The following EYS variants were observed in gnomAD, a reference collection of about 807,000 sequenced individuals.
EYS encodes the protein protein eyes shut homolog.
In EYS, 250 loss-of-function variants were observed where a neutral mutation model predicts 282.1. That is an observed-to-expected ratio of 0.89 (90% CI 0.80 to 0.98). The LOEUF (loss-of-function observed/expected upper bound fraction) is 0.98, where lower values mean the gene tolerates loss of function less well. EYS is among the 50% of genes least tolerant of loss of function. The probability of loss-of-function intolerance (pLI) is 0.00; values close to 1 mark genes in which losing one functional copy is unlikely to be tolerated. For missense variants in EYS, 4,016 were observed against 3,709.0 expected, an observed-to-expected ratio of 1.08 and a Z score of -2.15; for synonymous variants, 1,355 against 1,282.9, an observed-to-expected ratio of 1.06 and a Z score of -1.20.
chr6:64,678,379 G>A (rs892056280), intron 22 of EYS, among the ~76,000 whole-genome samples: 1 of 151,736 alleles, frequency 6.6e-6, no homozygotes, highest in Admixed American at 6.6e-5. Context: ...GGAGTTTGAG[G>A]ACAGCCTGGC....
At chr6:64,976,520 C>T (rs551060407) in intron 14 of EYS, among the ~76,000 whole-genome samples, 31 of 151,980 alleles carry the variant, frequency 2.0e-4, no homozygotes, top group African/African-American at 7.2e-4. Flanking sequence ...CATCCTTCTA[C>T]CATAACTTTA....
chr6:64,832,935 G>C (rs1765269100), intron 19 of EYS, among the ~76,000 whole-genome samples: 1 of 151,880 alleles, frequency 6.6e-6, no homozygotes, highest in Non-Finnish European at 1.5e-5. Context: ...CTTTAGAAAT[G>C]ATTGCTCTAA....
chr6:64,960,683 T>C (rs1206497888), intron 14 of EYS, among the ~76,000 whole-genome samples: 2 of 152,160 alleles, frequency 1.3e-5, no homozygotes, highest in Non-Finnish European at 2.9e-5. Context: ...GGGGTATATG[T>C]GCAGGTTTGT....
chr6:63,869,837 G>A (rs934225122), intron 35 of EYS, among the ~76,000 whole-genome samples: 2 of 152,010 alleles, frequency 1.3e-5, no homozygotes, highest in South Asian at 2.1e-4. Context: ...AGGGTATTGT[G>A]GGTGAAAAAA....
intron 33 of EYS, among the ~76,000 whole-genome samples, chr6:64,020,887 T>C (rs114649153): frequency 0.014 from 2,186 of 152,256 alleles, 36 homozygotes; most frequent in African/African-American, 0.043. Flanking sequence ...AGTGGTGCCA[T>C]AGACAGATGG....
chr6:65,232,811 G>A (rs561679289), intron 12 of EYS, among the ~76,000 whole-genome samples: 1 of 152,140 alleles, frequency 6.6e-6, no homozygotes, highest in Admixed American at 6.6e-5. Flanking sequence ...GTGATAATTT[G>A]ACCCATAATA....
rs565980142 is a variant in EYS at position 64,467,824 on chromosome 6, A to T, written c.5645-28472T>A. 2.4e-4 allele frequency among the ~76,000 whole-genome samples: 37 copies of T among 152,180 alleles called. 2 individuals are homozygous for T. The South Asian group carries it at 7.7e-3, about 32-fold the overall frequency. ...GCATGCACCTTTTGGGGACCCAGGG[A>T]TCAGCCTACTCAGCTTGCCACTGCC... On this transcript the variant is annotated intron_variant, in intron 26 of 42. Coordinates refer to ENST00000503581, the MANE Select transcript of EYS (RefSeq NM_001142800.2).
At chr6:65,232,538 T>G (rs572783218) in intron 12 of EYS, among the ~76,000 whole-genome samples, 3 of 152,200 alleles carry the variant, frequency 2.0e-5, no homozygotes, top group African/African-American at 7.2e-5. Flanking sequence ...TAGTTTTAGA[T>G]TTGCTGAAAA....
At chr6:64,336,143 A>G (rs1217817501) in intron 29 of EYS, among the ~76,000 whole-genome samples, 4 of 152,158 alleles carry the variant, frequency 2.6e-5, no homozygotes, top group Non-Finnish European at 5.9e-5. Flanking sequence ...TCTCAATACT[A>G]ACATTGAATG....
At chr6:64,499,081 A>G (rs1273014448) in intron 26 of EYS, among the ~76,000 whole-genome samples, 1 of 152,138 alleles carries the variant, frequency 6.6e-6, no homozygotes, top group African/African-American at 2.4e-5. Flanking sequence ...CCCACCAACA[A>G]TGTAAAAACA....
At chr6:64,752,547 GGGA>G (rs1425755847) in intron 22 of EYS, among the ~76,000 whole-genome samples, 4 of 152,066 alleles carry the variant, frequency 2.6e-5, no homozygotes, top group African/African-American at 4.8e-5. Context: ...GTATTGCTGA[GGGA>G]GAAGAAGAGT....
chr6:64,254,203 C>G (rs1767316742), intron 30 of EYS, among the ~76,000 whole-genome samples: 1 of 152,056 alleles, frequency 6.6e-6, no homozygotes, highest in African/African-American at 2.4e-5. Flanking sequence ...CAATACCACT[C>G]TCAAGAAAAT....
At chr6:64,191,160 T>G (rs186486199) in intron 31 of EYS, among the ~76,000 whole-genome samples, 18 of 152,236 alleles carry the variant, frequency 1.2e-4, no homozygotes, top group Admixed American at 6.5e-4. Flanking sequence ...CTTTCCACTT[T>G]CTTTATGGTG....
intron 14 of EYS, among the ~76,000 whole-genome samples, chr6:64,976,709 T>A (rs966848270): frequency 1.3e-5 from 2 of 152,026 alleles, no homozygotes; most frequent in Non-Finnish European, 2.9e-5. Flanking sequence ...CAGCCATTTT[T>A]ATCAAGTAGT....
At chr6:64,786,033 A>G (rs1304433709) in intron 22 of EYS, among the ~76,000 whole-genome samples, 1 of 152,210 alleles carries the variant, frequency 6.6e-6, no homozygotes, top group Non-Finnish European at 1.5e-5. Context: ...CAAAGAATTA[A>G]GTAAATAATC....
chr6:65,189,634 C>T lies in EYS; in HGVS notation c.2023+106229G>A, dbSNP rs1171933831. ...TAAAGAAGGTTTACAATGACAGCAGCGTATACTAGAAATGATGGAGTCCCT... is the reference window on the plus strand; with the variant it reads ...TAAAGAAGGTTTACAATGACAGCAGTGTATACTAGAAATGATGGAGTCCCT... On this transcript the variant is annotated intron_variant, in intron 12 of 42. Transcript: ENST00000503581. Among the ~76,000 whole-genome samples the T allele has an allele frequency of 2.0e-5, 3 of 151,692 alleles. No individual in the cohort carries two copies. The South Asian group carries it at 6.2e-4, about 31-fold the overall frequency.
At chr6:64,671,315 T>C (rs1279281426) in intron 22 of EYS, among the ~76,000 whole-genome samples, 1 of 151,946 alleles carries the variant, frequency 6.6e-6, no homozygotes, top group Non-Finnish European at 1.5e-5. Context: ...ACAGTACCCT[T>C]ATAAAAGAGA....
chr6:64,754,470 C>A (rs1261894690), intron 22 of EYS, among the ~76,000 whole-genome samples: 1 of 152,014 alleles, frequency 6.6e-6, no homozygotes, highest in Non-Finnish European at 1.5e-5. Flanking sequence ...GGAGGGATTC[C>A]TCCTAACTGG....
intron 33 of EYS, among the ~76,000 whole-genome samples, chr6:64,007,923 G>A (rs1056797414): frequency 1.3e-5 from 2 of 152,124 alleles, no homozygotes; most frequent in Admixed American, 1.3e-4. Flanking sequence ...ATTTATTTTA[G>A]AGCAGGCACA....
Sources: gnomAD v4.1 joint callset for allele counts (sites outside exome capture counted in the v4.1 genomes callset) on GRCh38, gnomAD v4.1.1 for gene constraint, MANE v1.5 for transcripts, NCBI Gene and HGNC (gene_info 2026-07-23, HGNC 2026-07-21) for gene names.